Variants in CACNG3 observed in about 807,000 individuals in gnomAD.
CACNG3 encodes voltage-dependent calcium channel gamma-3 subunit.
In CACNG3, 3 loss-of-function variants were observed where a neutral mutation model predicts 28.5. The observed-to-expected ratio is 0.11, with a 90% CI of 0.05 to 0.27. CACNG3 has a LOEUF of 0.27. Ranked by LOEUF, CACNG3 falls within the 10% of genes least tolerant of loss-of-function variation. CACNG3 has a pLI of 1.00. For missense variants in CACNG3, 236 were observed against 414.4 expected (o/e 0.57, Z 3.74); for synonymous variants, 174 against 162.2 (o/e 1.07, Z -0.55).
chr16:24,361,506 G>A lies in CACNG3; in HGVS notation c.591G>A (p.Val197=), dbSNP rs779968177. The A allele has an allele frequency of 5.0e-6, 8 of 1,613,992 alleles. No homozygotes were observed. The South Asian group carries it at 7.7e-5, about 16-fold the overall frequency. ...IIAEIVGVVA[V]HIYIEKHQQL... ...CAGAAATTGTAGGAGTGGTTGCCGT[G>A]CACATCTATATTGAAAAACATCAGC... Residue 197 remains valine, a synonymous_variant, in exon 4 of 4, where the codon GTG becomes GTA. Transcript: ENST00000005284. This position sits in a 1 kb window ranked among gnomAD's most constrained non-coding sequence, Gnocchi z 6.8.
chr16:24,317,815 C>A (rs1899403986), intron 1 of CACNG3, among the ~76,000 whole-genome samples: 1 of 152,198 alleles, frequency 6.6e-6, no homozygotes, highest in South Asian at 2.1e-4. Flanking sequence ...AAGCCAACCT[C>A]CCTCTGACCC....
chr16:24,274,975 C>T (rs1487441709), intron 1 of CACNG3, among the ~76,000 whole-genome samples: 1 of 152,102 alleles, frequency 6.6e-6, no homozygotes. Context: ...GCTCAACATC[C>T]TCAAAGGGTG....
intron 1 of CACNG3, among the ~76,000 whole-genome samples, chr16:24,288,365 C>G (rs1898921998): frequency 6.6e-6 from 1 of 152,108 alleles, no homozygotes; most frequent in South Asian, 2.1e-4. Context: ...AACCTGAGGT[C>G]CCAAAAGGTT....
chr16:24,351,661 C>CGAAAGAAAGAAAGAAAGAAAGAAA (rs146309041), intron 2 of CACNG3, among the ~76,000 whole-genome samples: 3 of 111,092 alleles, frequency 2.7e-5, no homozygotes, highest in Non-Finnish European at 5.1e-5. Context: ...GAAAGACAGA[C>CGAAAGAAAGAAAGAAAGAAAGAAA]GAAAGAAAGA....
chr16:24,328,289 G>A (rs1420164355), intron 1 of CACNG3, among the ~76,000 whole-genome samples: 1 of 151,612 alleles, frequency 6.6e-6, no homozygotes, highest in Non-Finnish European at 1.5e-5. Context: ...AAATAATTGA[G>A]GCTGAGGGTG....
At chr16:24,306,283 T>C (rs1288265841) in intron 1 of CACNG3, among the ~76,000 whole-genome samples, 1 of 152,228 alleles carries the variant, frequency 6.6e-6, no homozygotes, top group East Asian at 1.9e-4. Context: ...CTATTCTTCC[T>C]TCCGGGCTTT....
chr16:24,308,839 C>CAAAAAAAAAAAAAAAA (rs71154298), intron 1 of CACNG3, among the ~76,000 whole-genome samples: 58 of 27,280 alleles, frequency 2.1e-3, no homozygotes, highest in Non-Finnish European at 2.9e-3. Flanking sequence ...GAACCTACCT[C>CAAAAAAAAAAAAAAAA]AAAAAAAAAA....
At chr16:24,287,514 CAAAAA>C (rs748719520) in intron 1 of CACNG3, among the ~76,000 whole-genome samples, 1 of 31,292 alleles carries the variant, frequency 3.2e-5, no homozygotes. Flanking sequence ...CGAGACTCTC[CAAAAA>C]AAAAAAAAAA....
In CACNG3 at chr16:24,326,476, T is replaced by G. The variant is rs148391638; in HGVS notation, c.212-20258T>G. Reference sequence around the variant, plus strand: ...ATGAGCCACCACACCCGGCCAAAATTTTTCTTTCTCAACATTTCTAACCAA... The same window carrying G: ...ATGAGCCACCACACCCGGCCAAAATGTTTCTTTCTCAACATTTCTAACCAA... On this transcript the variant is annotated intron_variant, in intron 1 of 3. Coordinates refer to ENST00000005284, the MANE Select transcript of CACNG3 (RefSeq NM_006539.4). Among the ~76,000 whole-genome samples the G allele has an allele frequency of 1.4e-3, 217 of 152,252 alleles. 1 individual carries two copies. Among genetic ancestry groups the G allele is most frequent in the Non-Finnish European group, 2.9e-3 (194 of 68,018 alleles).
intron 1 of CACNG3, among the ~76,000 whole-genome samples, chr16:24,297,234 C>CT (rs113366688): frequency 0.089 from 13,501 of 151,472 alleles, 1,184 homozygotes; most frequent in African/African-American, 0.23. Context: ...AGCAGCAGAG[C>CT]AGAATCCCAT....
intron 1 of CACNG3, among the ~76,000 whole-genome samples, chr16:24,322,663 T>C (rs1899480191): frequency 1.3e-5 from 2 of 151,986 alleles, no homozygotes; most frequent in Admixed American, 6.6e-5. Flanking sequence ...GTTTTTCCCC[T>C]TCTGCTTCTC....
intron 1 of CACNG3, among the ~76,000 whole-genome samples, chr16:24,265,428 AAG>A (rs1347939190): frequency 3.8e-4 from 17 of 44,316 alleles, no homozygotes; most frequent in Admixed American, 8.2e-4. Context: ...AGAAGGAAGG[AAG>A]GAGAGAGAGA....
rs377048389 is a variant in CACNG3, at chr16:24,258,185, C to T, written c.211+1220C>T. Among the ~76,000 whole-genome samples the T allele has an allele frequency of 4.6e-5, 7 of 152,342 alleles. No homozygotes were observed. In the South Asian group the frequency reaches 1.4e-3, roughly 32 times the overall value. On this transcript the variant is annotated intron_variant, in intron 1 of 3. Transcript: ENST00000005284. ...TGAGAACTTGCATTTATGTAAATCG[C>T]TTGGGAAATCATGCTATGACATCAC...
intron 3 of CACNG3, among the ~76,000 whole-genome samples, chr16:24,360,467 T>C (rs1193123046): frequency 6.6e-6 from 1 of 152,294 alleles, no homozygotes; most frequent in East Asian, 1.9e-4. Context: ...CAAGTCCTGG[T>C]GCCCTGGTGC....
intron 1 of CACNG3, among the ~76,000 whole-genome samples, chr16:24,304,383 T>C (rs1386452906): frequency 6.6e-6 from 1 of 152,190 alleles, no homozygotes; most frequent in African/African-American, 2.4e-5. Flanking sequence ...AAAGTGCATG[T>C]ACAGAGAAAT....
At chr16:24,342,042 C>T (rs1050569306) in intron 1 of CACNG3, among the ~76,000 whole-genome samples, 2 of 152,186 alleles carry the variant, frequency 1.3e-5, no homozygotes, top group Admixed American at 6.5e-5. Context: ...CTGCAGCAGG[C>T]GGATCACCTG....
rs142191215 is a variant in CACNG3, at chr16:24,262,078, G to A, written c.211+5113G>A. Among the ~76,000 whole-genome samples, 63 of 152,208 alleles carry A rather than the reference G, an allele frequency of 4.1e-4. 1 individual carries two copies. In the East Asian group the frequency reaches 0.011, roughly 27 times the overall value. ...TAGAATGTGGAATCTGTAAGGACAG[G>A]GATTATTGTCTTTGGGGCACTGCTC... On this transcript the variant is annotated intron_variant, in intron 1 of 3. Coordinates refer to ENST00000005284, the MANE Select transcript of CACNG3 (RefSeq NM_006539.4).
chr16:24,265,639 C>A (rs1008684351), intron 1 of CACNG3, among the ~76,000 whole-genome samples: 2 of 152,046 alleles, frequency 1.3e-5, no homozygotes, highest in African/African-American at 4.8e-5. Flanking sequence ...TTCTGGACAG[C>A]CCATAGCTAA....
rs947702496 is a variant in CACNG3, at chr16:24,330,426, G to T, written c.212-16308G>T. Among the ~76,000 whole-genome samples the T allele has an allele frequency of 3.9e-5, 6 of 152,276 alleles. No individual in the cohort carries two copies. The South Asian group carries it at 1.2e-3, about 32-fold the overall frequency. On this transcript the variant is annotated intron_variant, in intron 1 of 3. Transcript: ENST00000005284. ...GGCAGGGTCTCAAATACTCCCTGAG[G>T]GCAAGTTTTTTGTGAGGTTATGACA...
Sources: gnomAD v4.1 joint callset for allele counts (sites outside exome capture counted in the v4.1 genomes callset) on GRCh38, gnomAD v4.1.1 for gene constraint, Gnocchi (gnomAD v3.1) non-coding constraint, MANE v1.5 for transcripts, NCBI Gene and HGNC (gene_info 2026-07-23, HGNC 2026-07-21) for gene names.